Variants in SLC9A9 observed in about 807,000 individuals in gnomAD.
The protein encoded by SLC9A9 is sodium/hydrogen exchanger 9.
SLC9A9 carries 62 observed loss-of-function variants against 77.8 expected under a neutral mutation model. The ratio of observed to expected loss-of-function variants is 0.80; its 90% confidence interval spans 0.65 to 0.98. The LOEUF is 0.98. Among genes scored for constraint, SLC9A9 ranks in the 50% least tolerant of loss-of-function variants. SLC9A9 has a pLI of 0.00. For missense variants in SLC9A9, 775 were observed against 774.9 expected, an observed-to-expected ratio of 1.00 and a Z score of 0.00; for synonymous variants, 320 against 283.5, an observed-to-expected ratio of 1.13 and a Z score of -1.29.
At chr3:143,342,635 T>C (rs1338396386) in intron 14 of SLC9A9, among the ~76,000 whole-genome samples, 6 of 152,214 alleles carry the variant, frequency 3.9e-5, no homozygotes, top group African/African-American at 1.4e-4. Context: ...AATAGCCAGA[T>C]TTGTCAAGAT....
intron 4 of SLC9A9, among the ~76,000 whole-genome samples, chr3:143,758,242 T>G (rs1028907064): frequency 6.6e-6 from 1 of 152,198 alleles, no homozygotes; most frequent in Non-Finnish European, 1.5e-5. Context: ...GAAAATCTTA[T>G]GTAGAACAGA....
chr3:143,469,485 A>T (rs1259856863), intron 11 of SLC9A9, among the ~76,000 whole-genome samples: 1 of 152,234 alleles, frequency 6.6e-6, no homozygotes, highest in East Asian at 1.9e-4. Context: ...AATATTTATT[A>T]TAGCATCTAG....
intron 4 of SLC9A9, among the ~76,000 whole-genome samples, chr3:143,730,757 T>C (rs1934782534): frequency 1.3e-5 from 2 of 152,036 alleles, no homozygotes; most frequent in South Asian, 4.1e-4. Flanking sequence ...TAGTAAGCAA[T>C]AGATAAATGG....
intron 6 of SLC9A9, among the ~76,000 whole-genome samples, chr3:143,611,202 C>A (rs1310301218): frequency 6.6e-6 from 1 of 151,648 alleles, no homozygotes; most frequent in Non-Finnish European, 1.5e-5. Flanking sequence ...AAATCTTCCA[C>A]AAAATATTTA....
intron 6 of SLC9A9, among the ~76,000 whole-genome samples, chr3:143,636,697 C>T (rs2038528142): frequency 6.6e-6 from 1 of 152,140 alleles, no homozygotes; most frequent in Non-Finnish European, 1.5e-5. Context: ...TATTTAGCTC[C>T]CATTTATAAG....
At position 143,554,259 on chromosome 3, in the gene SLC9A9, T is replaced by G. The variant is rs1055019475; in HGVS notation, c.1001-1809A>C. ...CCTACTGTGGGCCAAGAACAGTGCTTGTTTAATTTACATCTTCTTATTTAC... is the reference window on the plus strand; with the variant it reads ...CCTACTGTGGGCCAAGAACAGTGCTGGTTTAATTTACATCTTCTTATTTAC... On this transcript the variant is annotated intron_variant, in intron 8 of 15. Coordinates refer to ENST00000316549, the MANE Select transcript of SLC9A9 (RefSeq NM_173653.4). Among the ~76,000 whole-genome samples the G allele has an allele frequency of 2.6e-4, 39 of 152,202 alleles. 2 individuals are homozygous for G. The highest frequency in any genetic ancestry group is 1.5e-5 in the Non-Finnish European group (1 of 68,030).
chr3:143,765,486 A>G (rs1454863813), intron 4 of SLC9A9, among the ~76,000 whole-genome samples: 3 of 152,134 alleles, frequency 2.0e-5, no homozygotes, highest in Non-Finnish European at 4.4e-5. Flanking sequence ...TTCATTCACT[A>G]TATGTGGTAA....
chr3:143,339,388 A>G (rs2032024547), intron 14 of SLC9A9, among the ~76,000 whole-genome samples: 2 of 152,176 alleles, frequency 1.3e-5, no homozygotes, highest in South Asian at 4.1e-4. Context: ...CTGGAGGAAG[A>G]AATGCAGCTT....
At chr3:143,481,436 T>C (rs1403592088) in intron 11 of SLC9A9, among the ~76,000 whole-genome samples, 1 of 152,136 alleles carries the variant, frequency 6.6e-6, no homozygotes, top group Non-Finnish European at 1.5e-5. Flanking sequence ...GACCTTAGCA[T>C]GCTGAAGGAA....
rs116574333 is a variant in SLC9A9, at chr3:143,618,146, G to A, written c.755+34109C>T. Among the ~76,000 whole-genome samples the A allele has an allele frequency of 8.9e-3, 1,354 of 152,294 alleles. 20 individuals are homozygous for A. The highest frequency in any genetic ancestry group is 0.032 in the African/African-American group (1,313 of 41,556). ...TAGGAGATCTTGGAGTGCTGGAACC[G>A]TGGGAGGAAAAGCATTAATATAGAC... On this transcript the variant is annotated intron_variant, in intron 6 of 15. Transcript: ENST00000316549.
At chr3:143,583,222 A>G (rs903156881) in intron 6 of SLC9A9, among the ~76,000 whole-genome samples, 8 of 152,140 alleles carry the variant, frequency 5.3e-5, no homozygotes, top group South Asian at 2.1e-4. Context: ...AGTCCAGGAT[A>G]TTGATTCATT....
At chr3:143,669,087 T>C (rs570424466) in intron 5 of SLC9A9, among the ~76,000 whole-genome samples, 4 of 152,334 alleles carry the variant, frequency 2.6e-5, no homozygotes, top group African/African-American at 9.6e-5. Flanking sequence ...CTGCTGATCC[T>C]GCATTTACAT....
chr3:143,810,029 G>GTCT (rs1387727824), intron 2 of SLC9A9, among the ~76,000 whole-genome samples: 59 of 152,204 alleles, frequency 3.9e-4, no homozygotes, highest in Admixed American at 1.8e-3. Context: ...CATTACGTAT[G>GTCT]TCTTATGAAA....
At chr3:143,509,198 A>G (rs971545428) in intron 9 of SLC9A9, among the ~76,000 whole-genome samples, 1 of 152,176 alleles carries the variant, frequency 6.6e-6, no homozygotes, top group South Asian at 2.1e-4. Context: ...AGAGAAATCA[A>G]TGAAAATGAA....
intron 6 of SLC9A9, among the ~76,000 whole-genome samples, chr3:143,608,530 C>T (rs985918372): frequency 7.2e-5 from 11 of 152,176 alleles, no homozygotes; most frequent in Non-Finnish European, 1.3e-4. Flanking sequence ...AGGACCACCA[C>T]GGTGGGCTTT....
intron 14 of SLC9A9, among the ~76,000 whole-genome samples, chr3:143,271,954 A>G (rs1937911343): frequency 1.3e-5 from 2 of 152,170 alleles, no homozygotes; most frequent in African/African-American, 2.4e-5. Context: ...GATTTAGAAT[A>G]TAGGAAAATA....
chr3:143,419,721 A>G (rs2034263551), intron 12 of SLC9A9, among the ~76,000 whole-genome samples: 1 of 152,206 alleles, frequency 6.6e-6, no homozygotes. Flanking sequence ...CAGATAAATG[A>G]ACAGGCAAGT....
chr3:143,796,692 G>A (rs1011635967), intron 3 of SLC9A9, 134 bp downstream of exon 3: 2 of 626,884 alleles, frequency 3.2e-6, no homozygotes, highest in Non-Finnish European at 5.6e-6. Context: ...TGTCAGGTTT[G>A]AATCTGCATC....
chr3:143,714,271 G>A (rs1934273697), intron 4 of SLC9A9, among the ~76,000 whole-genome samples: 1 of 152,140 alleles, frequency 6.6e-6, no homozygotes, highest in Admixed American at 6.5e-5. Flanking sequence ...CTCACCACCT[G>A]TAAGTCTGAA....
Sources: gnomAD v4.1 joint callset for allele counts (sites outside exome capture counted in the v4.1 genomes callset) on GRCh38, gnomAD v4.1.1 for gene constraint, MANE v1.5 for transcripts, NCBI Gene and HGNC (gene_info 2026-07-23, HGNC 2026-07-21) for gene names.